The following HPS4 variants were observed in gnomAD, a reference collection of about 807,000 sequenced individuals.
HPS4 encodes the protein BLOC-3 complex member HPS4.
A neutral mutation model predicts 70.3 loss-of-function variants in HPS4; 44 were observed. The ratio of observed to expected loss-of-function variants is 0.63; its 90% CI spans 0.49 to 0.80. The LOEUF is 0.80. Among genes scored for constraint, HPS4 ranks in the 30% least tolerant of loss-of-function variants. The probability of loss-of-function intolerance (pLI) is 0.00; values close to 1 mark genes in which losing one functional copy is unlikely to be tolerated. For missense variants in HPS4, 873 were observed against 884.4 expected (o/e 0.99, Z 0.16); for synonymous variants, 377 against 355.9 (o/e 1.06, Z -0.67).
downstream of HPS4, among the ~76,000 whole-genome samples, chr22:26,446,369 ACACTGAGTGCTC>A (rs555277277): frequency 3.8e-3 from 580 of 152,242 alleles, 4 homozygotes; most frequent in Non-Finnish European, 7.2e-3. Flanking sequence ...TAAACTTGTA[ACACTGAGTGCTC>A]CGTAGCATAC....
At chr22:26,467,843 CAATT>C (rs1256786068) in intron 8 of HPS4, 3 of 152,262 alleles carry the variant, frequency 2.0e-5, no homozygotes, top group African/African-American at 7.2e-5. Flanking sequence ...AATATAAAAA[CAATT>C]AAATAAATAT....
At position 26,452,930 on chromosome 22, in the gene HPS4, C is replaced by T. The variant is rs568066326; in HGVS notation, c.*303G>A. 7.5e-5 allele frequency: 29 copies of T among 388,544 alleles called. No individual in the cohort carries two copies. The highest frequency in any genetic ancestry group is 1.4e-4 in the African/African-American group (7 of 48,690). The allele number at this position is 388,544 out of a possible 1,614,324, so 24.1% of individuals were successfully genotyped here. On this transcript the variant is annotated 3_prime_UTR_variant, in exon 14 of 14. Coordinates refer to ENST00000398145, the MANE Select transcript of HPS4 (RefSeq NM_022081.6). The stretch of plus-strand genomic sequence containing the variant: ...ACCAATTCAAGCTGGGATGGAACAG[C>T]AGGAGATATGAAATACCTCAGGCTC...
At chr22:26,445,888 C>T, downstream of HPS4, among the ~76,000 whole-genome samples, 1 of 152,112 alleles carries the variant, frequency 6.6e-6, no homozygotes, top group Non-Finnish European at 1.5e-5. Flanking sequence ...CATGTTTTTC[C>T]CTTTAGAAGA....
At chr22:26,458,803 A>T (rs2086688688) in intron 11 of HPS4, among the ~76,000 whole-genome samples, 1 of 150,974 alleles carries the variant, frequency 6.6e-6, no homozygotes, top group Non-Finnish European at 1.5e-5. Flanking sequence ...CCTGGGTGAT[A>T]GAGTGAGACT....
intron 5 of HPS4, 38 bp from the exon 6 acceptor site, chr22:26,472,456 T>C (rs764143658): frequency 8.5e-6 from 11 of 1,288,202 alleles, no homozygotes; most frequent in Admixed American, 3.4e-5. Flanking sequence ...ATCTGAGATT[T>C]TGAGGGACAG....
In HPS4 at chr22:26,456,801, T is replaced by C. The variant is rs1172396785; in HGVS notation, c.1955+1058A>G. On this transcript the variant is annotated intron_variant, in intron 13 of 13. Coordinates refer to ENST00000398145, the MANE Select transcript of HPS4 (RefSeq NM_022081.6). ...TGTCAACCAAATTCTCAGGTCCCAG[T>C]CTCCTCGGGCTTTTATAAAGTGATC... Among the ~76,000 whole-genome samples, 3 of 152,206 alleles carry C rather than the reference T, an allele frequency of 2.0e-5. No homozygotes were observed. In the East Asian group the frequency reaches 5.8e-4, roughly 29 times the overall value.
At chr22:26,477,720 C>G (rs147001835) in intron 3 of HPS4, among the ~76,000 whole-genome samples, 5 of 152,260 alleles carry the variant, frequency 3.3e-5, no homozygotes, top group African/African-American at 1.2e-4. Context: ...TGAACCTCAC[C>G]AAGACTCTAG....
intron 6 of HPS4, 100 bp downstream of exon 6, chr22:26,472,202 T>C (rs1401063582): frequency 3.6e-6 from 3 of 826,402 alleles, no homozygotes; most frequent in Non-Finnish European, 6.4e-6. Context: ...AGTGACATTC[T>C]ACTCACTTTT....
chr22:26,463,976 C>T lies in HPS4; in HGVS notation c.1654G>A (p.Val552Met), dbSNP rs5752330. 0.87 allele frequency: 1,406,330 copies of T among 1,614,046 alleles called. 616,199 individuals are homozygous for T. The highest frequency in any genetic ancestry group is 0.9 in the South Asian group (82,395 of 91,090). Residue 552 changes from valine (V) to methionine (M), a missense_variant, in exon 11 of 14, where the codon GTG becomes ATG. Coordinates refer to ENST00000398145, the MANE Select transcript of HPS4 (RefSeq NM_022081.6). ...NLYTHCVKGL[V>M]LSLLAEEPLL... Reference sequence around the variant, plus strand: ...GGCTCCTCAGCCAGCAGGGACAGCACCAGCCCTTTGACGCAGTGAGTGTAG... The same window carrying T: ...GGCTCCTCAGCCAGCAGGGACAGCATCAGCCCTTTGACGCAGTGAGTGTAG...
downstream of HPS4, among the ~76,000 whole-genome samples, chr22:26,450,751 C>T (rs966779965): frequency 6.6e-6 from 1 of 152,188 alleles, no homozygotes; most frequent in Non-Finnish European, 1.5e-5. Flanking sequence ...AGGGGCTTTT[C>T]CCCCCTTTCA....
intron 11 of HPS4, among the ~76,000 whole-genome samples, chr22:26,462,979 G>A (rs534237809): frequency 1.3e-5 from 2 of 152,204 alleles, no homozygotes; most frequent in Non-Finnish European, 2.9e-5. Flanking sequence ...AAGGTGACTA[G>A]CTCATTTATG....
chr22:26,455,892 G>A (rs962032403), intron 13 of HPS4, among the ~76,000 whole-genome samples: 3 of 152,168 alleles, frequency 2.0e-5, no homozygotes, highest in Non-Finnish European at 4.4e-5. Context: ...GGTTGGTGGA[G>A]CAGATGCTGA....
intron 1 of HPS4, 30 bp downstream of exon 1, chr22:26,483,644 A>C: frequency 1.5e-5 from 5 of 339,744 alleles, no homozygotes; most frequent in Non-Finnish European, 1.6e-5. Flanking sequence ...GCCCCTCGGT[A>C]TCCCCGCGCT....
At chr22:26,445,642 A>G (rs1268457419) in intron 3 of HPS4, among the ~76,000 whole-genome samples, 1 of 152,208 alleles carries the variant, frequency 6.6e-6, no homozygotes, top group Non-Finnish European at 1.5e-5. Context: ...TCATAGCCTC[A>G]GTTTCTCCTC....
chr22:26,449,321 G>A (rs960732961), downstream of HPS4, among the ~76,000 whole-genome samples: 1 of 132,542 alleles, frequency 7.5e-6, no homozygotes, highest in African/African-American at 2.9e-5. Flanking sequence ...TCACTCCCCT[G>A]CATTTTTTTT....
Position 26,452,000 on chromosome 22 carries a change from GCGCGCACACACACA to G in HPS4, c.*1219_*1232del, listed in dbSNP as rs1434421062. 40 of 72,548 alleles carry G rather than the reference GCGCGCACACACACA, an allele frequency of 5.5e-4. No individual in the cohort carries two copies. Among genetic ancestry groups the G allele is most frequent in the East Asian group, 2.1e-3 (9 of 4,236 alleles). The allele number at this position is 72,548 out of a possible 1,614,324, so 4.5% of individuals were successfully genotyped here. On this transcript the variant is annotated 3_prime_UTR_variant, in exon 14 of 14. Transcript: ENST00000398145. The stretch of plus-strand genomic sequence containing the variant: ...GCGCCCACGTTACGCGCGCGCGCGC[GCGCGCACACACACA>G]CACACACACACACACACACACACAC...
At chr22:26,446,601 G>A (rs541180639), downstream of HPS4, among the ~76,000 whole-genome samples, 95 of 152,050 alleles carry the variant, frequency 6.2e-4, no homozygotes, top group Non-Finnish European at 1.3e-3. Context: ...TGAGGGGGTC[G>A]CTGCTGTGAG....
chr22:26,473,638 G>A (rs1184796158), intron 4 of HPS4, among the ~76,000 whole-genome samples: 1 of 152,148 alleles, frequency 6.6e-6, no homozygotes. Context: ...AGCTACTCAG[G>A]AGGCTGAGGC....
chr22:26,473,742 A>G (rs76971592), intron 4 of HPS4, among the ~76,000 whole-genome samples: 8 of 147,298 alleles, frequency 5.4e-5, no homozygotes, highest in Admixed American at 6.8e-5. Flanking sequence ...ACACCGTCTC[A>G]AAAAAAAAAA....
Sources: allele counts gnomAD v4.1 joint callset (sites outside exome capture counted in the v4.1 genomes callset), GRCh38; gene constraint gnomAD v4.1.1; transcripts MANE v1.5; gene names NCBI Gene and HGNC (gene_info 2026-07-23, HGNC 2026-07-21).